Variants in CDH12 observed in about 807,000 individuals in gnomAD.
CDH12 encodes cadherin 12, also known as cadherin-12.
CDH12 carries 41 observed loss-of-function variants against 74.1 expected under a neutral mutation model. The ratio of observed to expected loss-of-function variants is 0.55; its 90% confidence interval spans 0.43 to 0.72. CDH12 has a LOEUF of 0.72. Ranked by LOEUF, CDH12 falls within the 30% of genes least tolerant of loss-of-function variation. The pLI is 0.00. For missense variants in CDH12, 945 were observed against 977.2 expected, an observed-to-expected ratio of 0.97 and a Z score of 0.44; for synonymous variants, 399 against 355.0, an observed-to-expected ratio of 1.12 and a Z score of -1.39.
At chr5:22,166,259 T>C (rs1429352361) in intron 4 of CDH12, among the ~76,000 whole-genome samples, 1 of 152,200 alleles carries the variant, frequency 6.6e-6, no homozygotes, top group Non-Finnish European at 1.5e-5. Flanking sequence ...TGTTCGTTGA[T>C]GTATCCCAAA....
intron 4 of CDH12, among the ~76,000 whole-genome samples, chr5:22,166,281 G>T (rs1454354488): frequency 2.0e-5 from 3 of 152,164 alleles, no homozygotes; most frequent in Non-Finnish European, 2.9e-5. Flanking sequence ...CCCTGGAAGA[G>T]GACCTAGTTA....
chr5:21,977,610 T>C (rs1441524937), intron 5 of CDH12, among the ~76,000 whole-genome samples: 1 of 152,154 alleles, frequency 6.6e-6, no homozygotes, highest in Admixed American at 6.6e-5. Flanking sequence ...AAAATTTCTG[T>C]ATTTAGCTAA....
intron 1 of CDH12, among the ~76,000 whole-genome samples, chr5:22,835,504 G>GCA (rs1736781864): frequency 6.6e-6 from 1 of 152,034 alleles, no homozygotes; most frequent in Non-Finnish European, 1.5e-5. Context: ...TTTATTCTTT[G>GCA]AATGGGGGCT....
At chr5:22,168,189 A>G (rs1405657396) in intron 4 of CDH12, among the ~76,000 whole-genome samples, 3 of 152,116 alleles carry the variant, frequency 2.0e-5, no homozygotes, top group Non-Finnish European at 4.4e-5. Context: ...ATAATGTGCT[A>G]TATGTTCATG....
intron 5 of CDH12, among the ~76,000 whole-genome samples, chr5:22,021,755 G>T (rs1415677791): frequency 6.6e-6 from 1 of 152,146 alleles, no homozygotes; most frequent in Non-Finnish European, 1.5e-5. Context: ...GATTGTGTTG[G>T]CTTGATCAAT....
At chr5:21,883,902 T>C (rs1246280689) in intron 6 of CDH12, 17 of 1,608,286 alleles carry the variant, frequency 1.1e-5, no homozygotes, top group Non-Finnish European at 1.3e-5. Context: ...AGGCATTGTT[T>C]TGGGAGGGGG....
At chr5:22,314,547 T>G (rs1031436170) in intron 3 of CDH12, among the ~76,000 whole-genome samples, 31 of 152,292 alleles carry the variant, frequency 2.0e-4, no homozygotes, top group African/African-American at 6.7e-4. Flanking sequence ...AGAAAATACA[T>G]TTCTGTTATT....
chr5:22,274,669 C>A (rs1171915172), intron 3 of CDH12, among the ~76,000 whole-genome samples: 1 of 151,830 alleles, frequency 6.6e-6, no homozygotes, highest in Non-Finnish European at 1.5e-5. Flanking sequence ...ATATAATATG[C>A]ACACAAAAAT....
At chr5:22,197,383 C>T (rs969963108) in intron 4 of CDH12, among the ~76,000 whole-genome samples, 4 of 152,086 alleles carry the variant, frequency 2.6e-5, no homozygotes, top group African/African-American at 9.7e-5. Flanking sequence ...GGGAGGCGAG[C>T]TTGCAGTGAG....
intron 4 of CDH12, chr5:22,143,367 C>CTTTTTT (rs1561156581): frequency 9.0e-6 from 1 of 111,264 alleles, no homozygotes; most frequent in African/African-American, 3.8e-5. Context: ...GTATAATATT[C>CTTTTTT]CTTTTTTTTT....
chr5:22,848,155 C>T (rs1043762483), intron 1 of CDH12, among the ~76,000 whole-genome samples: 1 of 152,120 alleles, frequency 6.6e-6, no homozygotes, highest in Non-Finnish European at 1.5e-5. Context: ...CTCTGGTTAC[C>T]TCCTGTTGTC....
chr5:22,642,641 T>G (rs867268087), intron 1 of CDH12, among the ~76,000 whole-genome samples: 1 of 152,244 alleles, frequency 6.6e-6, no homozygotes, highest in Middle Eastern at 3.4e-3. Context: ...CAAAAATACA[T>G]AGTCGACAAT....
chr5:22,831,359 GTGTGTGTGTGTC>G (rs929070921), intron 1 of CDH12, among the ~76,000 whole-genome samples: 60 of 136,466 alleles, frequency 4.4e-4, no homozygotes, highest in Admixed American at 6.7e-4. Flanking sequence ...GTTTGTGTGT[GTGTGTGTGTGTC>G]TGTGTGTGTG....
Position 22,244,802 on chromosome 5 carries a change from A to AAGAAAGAAAGAG in CDH12, c.-332-32160_-332-32159insCTCTTTCTTTCT, listed in dbSNP as rs1159642087. Among the ~76,000 whole-genome samples the AAGAAAGAAAGAG allele has an allele frequency of 8.5e-4, 56 of 65,696 alleles. 2 individuals carry two copies. The highest frequency in any genetic ancestry group is 8.8e-3 in the Middle Eastern group (1 of 114). 43.1% of individuals were successfully genotyped at this position (65,696 alleles called of 152,430 possible). ...AAAGAAAGAAAGAAAGAAAGAAAGA[A>AAGAAAGAAAGAG]AAATTCAAAGTAGGAGTGGGGAGCT... On this transcript the variant is annotated intron_variant, in intron 3 of 14. Coordinates refer to ENST00000382254, the MANE Select transcript of CDH12 (RefSeq NM_004061.5).
chr5:22,391,925 A>G (rs1742264572), intron 3 of CDH12, among the ~76,000 whole-genome samples: 1 of 152,212 alleles, frequency 6.6e-6, no homozygotes, highest in South Asian at 2.1e-4. Flanking sequence ...ACTAAAACAT[A>G]AAGAAGTTAA....
At chr5:22,758,533 A>C (rs1746048218) in intron 1 of CDH12, among the ~76,000 whole-genome samples, 1 of 150,588 alleles carries the variant, frequency 6.6e-6, no homozygotes, top group Non-Finnish European at 1.5e-5. Context: ...CATTTGATTT[A>C]TAGTTTTTTT....
chr5:22,775,406 A>G (rs934383948), intron 1 of CDH12, among the ~76,000 whole-genome samples: 1 of 152,120 alleles, frequency 6.6e-6, no homozygotes, highest in Non-Finnish European at 1.5e-5. Context: ...ATCTCATTTC[A>G]GGAACAGAGA....
intron 1 of CDH12, among the ~76,000 whole-genome samples, chr5:22,520,984 T>G (rs527963872): frequency 2.5e-3 from 362 of 145,534 alleles, no homozygotes; most frequent in African/African-American, 8.0e-3. Flanking sequence ...CCCTTCTTTC[T>G]TTCTTTCTTT....
At chr5:22,776,171 AG>A (rs1747091069) in intron 1 of CDH12, among the ~76,000 whole-genome samples, 1 of 152,128 alleles carries the variant, frequency 6.6e-6, no homozygotes, top group Non-Finnish European at 1.5e-5. Context: ...ACATGGAGTG[AG>A]GATATTTATC....
Sources: gnomAD v4.1 joint callset for allele counts (sites outside exome capture counted in the v4.1 genomes callset) on GRCh38, gnomAD v4.1.1 for gene constraint, MANE v1.5 for transcripts, NCBI Gene and HGNC (gene_info 2026-07-23, HGNC 2026-07-21) for gene names.